The following SLC41A2 variants were observed in gnomAD, a reference collection of about 807,000 sequenced individuals.
SLC41A2 encodes SLC41A1-like 1.
A neutral mutation model predicts 58.3 loss-of-function variants in SLC41A2; 32 were observed. The ratio of observed to expected loss-of-function variants is 0.55; its 90% CI spans 0.41 to 0.74. The LOEUF (loss-of-function observed/expected upper bound fraction) is 0.74. Among genes scored for constraint, SLC41A2 ranks in the 30% least tolerant of loss-of-function variants. The pLI is 0.00. For missense variants in SLC41A2, 514 were observed against 680.6 expected (o/e 0.76, Z 2.72); for synonymous variants, 190 against 235.0 (o/e 0.81, Z 1.75).
intron 3 of SLC41A2, among the ~76,000 whole-genome samples, chr12:104,903,150 C>A (rs1023206627): frequency 6.6e-6 from 1 of 152,330 alleles, no homozygotes; most frequent in Middle Eastern, 3.4e-3. Flanking sequence ...CCACCTCTCA[C>A]TGCATTCCCT....
chr12:104,893,075 T>C (rs922227373), intron 4 of SLC41A2, among the ~76,000 whole-genome samples: 1 of 152,022 alleles, frequency 6.6e-6, no homozygotes, highest in Non-Finnish European at 1.5e-5. Context: ...ACCCACAGAA[T>C]GGGAGAAAAT....
At chr12:104,899,913 G>A (rs1003698733) in intron 3 of SLC41A2, among the ~76,000 whole-genome samples, 1 of 152,064 alleles carries the variant, frequency 6.6e-6, no homozygotes, top group Non-Finnish European at 1.5e-5. Flanking sequence ...TGTGGCTGTT[G>A]TTGTTGTTAC....
At chr12:104,829,059 G>A (rs4400882) in intron 10 of SLC41A2, among the ~76,000 whole-genome samples, 1 of 152,190 alleles carries the variant, frequency 6.6e-6, no homozygotes. Flanking sequence ...TGGGAATGCA[G>A]AATGGTATAA....
At chr12:104,877,898 AC>A (rs2044133652) in intron 6 of SLC41A2, among the ~76,000 whole-genome samples, 1 of 151,874 alleles carries the variant, frequency 6.6e-6, no homozygotes, top group Admixed American at 6.6e-5. Flanking sequence ...AGTCCCAGCT[AC>A]TCAGGAGGCT....
chr12:104,851,527 G>A (rs2042799047), intron 8 of SLC41A2, among the ~76,000 whole-genome samples: 1 of 151,952 alleles, frequency 6.6e-6, no homozygotes, highest in Non-Finnish European at 1.5e-5. Flanking sequence ...GGGACTACAG[G>A]TATGCATCAC....
intron 6 of SLC41A2, among the ~76,000 whole-genome samples, 182 bp downstream of exon 6, chr12:104,886,111 G>GAA (rs1378119863): frequency 1.3e-5 from 2 of 151,880 alleles, no homozygotes; most frequent in East Asian, 3.8e-4. Flanking sequence ...AACTCTACGA[G>GAA]AAAAAAGAAA....
chr12:104,888,461 G>A (rs1005576163), intron 5 of SLC41A2, among the ~76,000 whole-genome samples: 7 of 151,982 alleles, frequency 4.6e-5, no homozygotes, highest in Non-Finnish European at 7.4e-5. Context: ...AAGTTCATAC[G>A]AATAAATATA....
chr12:104,928,624 T>C lies in SLC41A2; in HGVS notation c.-97A>G. The C allele has an allele frequency of 3.2e-6, 2 of 631,338 alleles. No homozygotes were observed. Among genetic ancestry groups the C allele is most frequent in the Non-Finnish European group, 2.4e-6 (1 of 414,770 alleles). 39.1% of individuals were successfully genotyped at this position (631,338 alleles called of 1,614,324 possible). A position where few individuals can be genotyped will look rare whatever the true frequency, so the allele number is the denominator to read the frequency against. ...GCACAAACACTGGTTTAAATTAAGT[T>C]GTTGACTTCATTGTGTAGAAAATAT... is the stretch of plus-strand genomic sequence containing the variant. On this transcript the variant is annotated 5_prime_UTR_variant, in exon 2 of 11. Transcript: ENST00000258538.
At chr12:104,806,620 G>T (rs2040915522) in intron 10 of SLC41A2, among the ~76,000 whole-genome samples, 1 of 151,540 alleles carries the variant, frequency 6.6e-6, no homozygotes, top group Non-Finnish European at 1.5e-5. Context: ...TCTAGTTCTA[G>T]ATCCCTGAGG....
At chr12:104,815,913 G>C (rs185180431) in intron 10 of SLC41A2, among the ~76,000 whole-genome samples, 10 of 152,260 alleles carry the variant, frequency 6.6e-5, no homozygotes, top group Admixed American at 4.6e-4. Context: ...GGTGGCAGGT[G>C]GGGGAAGGTG....
intron 10 of SLC41A2, among the ~76,000 whole-genome samples, chr12:104,811,823 G>A (rs866999053): frequency 1.3e-4 from 20 of 152,218 alleles, no homozygotes; most frequent in African/African-American, 3.6e-4. Flanking sequence ...TAGAATCCAC[G>A]AAAGGTTTGG....
At chr12:104,913,377 C>A (rs2046167010) in intron 2 of SLC41A2, among the ~76,000 whole-genome samples, 1 of 152,090 alleles carries the variant, frequency 6.6e-6, no homozygotes, top group South Asian at 2.1e-4. Context: ...AGAAATCAAC[C>A]TTTTCAAAAG....
chr12:104,935,295 G>A (rs909801011), intron 1 of SLC41A2, among the ~76,000 whole-genome samples: 1 of 151,926 alleles, frequency 6.6e-6, no homozygotes, highest in African/African-American at 2.4e-5. Flanking sequence ...TGCACTGTAT[G>A]TTGACCACAG....
At chr12:104,853,913 T>TATTATTA (rs1555202444) in intron 8 of SLC41A2, among the ~76,000 whole-genome samples, 595 of 38,344 alleles carry the variant, frequency 0.016, 24 homozygotes, top group Middle Eastern at 0.045. Context: ...CCTGGCTGAT[T>TATTATTA]TTTTTTTTTT....
chr12:104,803,518 AAAC>A lies in SLC41A2; in HGVS notation c.*1631_*1633del, dbSNP rs1276411709. 1 of 152,198 alleles carries A rather than the reference AAAC, an allele frequency of 6.6e-6. No individual in the cohort carries two copies. Among genetic ancestry groups the A allele is most frequent in the African/African-American group, 2.4e-5 (1 of 41,450 alleles). The allele number at this position is 152,198 out of a possible 1,614,324, so 9.4% of individuals were successfully genotyped here. A position where few individuals can be genotyped will look rare whatever the true frequency, so the allele number is the denominator to read the frequency against. On this transcript the variant is annotated 3_prime_UTR_variant, in exon 11 of 11. Transcript: ENST00000258538. The stretch of plus-strand genomic sequence containing the variant: ...AGAATACTTTCTGCAATATATTTAT[AAAC>A]AACCTAATATTTATATAATAACACA...
At chr12:104,849,967 T>A (rs188833643) in intron 8 of SLC41A2, among the ~76,000 whole-genome samples, 1 of 152,234 alleles carries the variant, frequency 6.6e-6, no homozygotes, top group African/African-American at 2.4e-5. Context: ...GAAAGAAGTA[T>A]GAAATCAAGA....
chr12:104,906,632 T>C (rs1188222400), intron 3 of SLC41A2, among the ~76,000 whole-genome samples: 1 of 152,206 alleles, frequency 6.6e-6, no homozygotes, highest in Non-Finnish European at 1.5e-5. Flanking sequence ...GTGTGTAAGT[T>C]TGTTGTATAA....
chr12:104,904,095 A>C (rs1369193607), intron 3 of SLC41A2, among the ~76,000 whole-genome samples: 1 of 152,226 alleles, frequency 6.6e-6, no homozygotes, highest in African/African-American at 2.4e-5. Flanking sequence ...TTTGTTTTTT[A>C]ACCAGATTCC....
chr12:104,926,331 T>TG (rs1389747374), intron 2 of SLC41A2, among the ~76,000 whole-genome samples: 2 of 152,184 alleles, frequency 1.3e-5, no homozygotes, highest in Non-Finnish European at 2.9e-5. Flanking sequence ...CTAGACATGG[T>TG]GGGTCATGCC....
Sources: allele counts gnomAD v4.1 joint callset (sites outside exome capture counted in the v4.1 genomes callset), GRCh38; gene constraint gnomAD v4.1.1; transcripts MANE v1.5; gene names NCBI Gene and HGNC (gene_info 2026-07-23, HGNC 2026-07-21).